The following OS9 variants were observed in gnomAD, a reference collection of about 807,000 sequenced individuals.
The protein encoded by OS9 is protein OS-9.
OS9 carries 58 observed loss-of-function variants against 84.7 expected under a neutral mutation model. That is an observed-to-expected ratio of 0.68 (90% CI 0.55 to 0.85). The LOEUF is 0.85. Among genes scored for constraint, OS9 ranks in the 40% least tolerant of loss-of-function variants. OS9 has a pLI of 0.00. For synonymous variants in OS9, 278 were observed against 320.8 expected, an observed-to-expected ratio of 0.87 and a Z score of 1.43; for missense variants, 760 against 850.9, an observed-to-expected ratio of 0.89 and a Z score of 1.33.
chr12:57,703,472 A>G (rs1429639430), intron 5 of OS9, among the ~76,000 whole-genome samples: 1 of 152,160 alleles, frequency 6.6e-6, no homozygotes, highest in Non-Finnish European at 1.5e-5. Context: ...TTGAATATGG[A>G]TATCCAGTTT....
chr12:57,703,430 G>A (rs530545568), intron 5 of OS9, among the ~76,000 whole-genome samples: 10 of 152,242 alleles, frequency 6.6e-5, no homozygotes, highest in African/African-American at 2.4e-4. Flanking sequence ...TGTATGTGGT[G>A]TAATTTTTGC....
intron 4 of OS9, 101 bp from the exon 5 acceptor site, chr12:57,696,173 TG>T: frequency 4.1e-6 from 5 of 1,233,112 alleles, no homozygotes; most frequent in Non-Finnish European, 4.7e-6. Flanking sequence ...TCCTGGGGCC[TG>T]GGGGCACAGG....
intron 10 of OS9, 59 bp from the exon 11 acceptor site, chr12:57,718,087 C>A: frequency 6.4e-7 from 1 of 1,572,298 alleles, no homozygotes; most frequent in Non-Finnish European, 8.7e-7. Flanking sequence ...TGTCTGCCCC[C>A]GACCATGTGT....
At chr12:57,697,966 C>CA (rs1595031876) in intron 5 of OS9, among the ~76,000 whole-genome samples, 7 of 147,340 alleles carry the variant, frequency 4.8e-5, no homozygotes, top group Admixed American at 4.1e-4. Flanking sequence ...CACACACACA[C>CA]CCTATTGCTC....
chr12:57,703,375 T>C (rs1241022637), intron 5 of OS9, among the ~76,000 whole-genome samples: 1 of 152,192 alleles, frequency 6.6e-6, no homozygotes, highest in East Asian at 1.9e-4. Flanking sequence ...GGTGGGATTA[T>C]AGGGGTGTGC....
chr12:57,718,943 G>A, intron 11 of OS9, 50 bp from the exon 12 acceptor site: 1 of 1,386,274 alleles, frequency 7.2e-7, no homozygotes, highest in Non-Finnish European at 1.0e-6. Context: ...CCCGCTGGCT[G>A]CCTCCACACC....
At chr12:57,716,288 G>GA in intron 7 of OS9, 95 bp downstream of exon 7, 1 of 730,876 alleles carries the variant, frequency 1.4e-6, no homozygotes. Flanking sequence ...GTGGGGGGGG[G>GA]TGGAAAAGTA....
At chr12:57,695,122 G>T in intron 2 of OS9, 196 bp downstream of exon 2, 1 of 595,862 alleles carries the variant, frequency 1.7e-6, no homozygotes, top group Non-Finnish European at 3.0e-6. Flanking sequence ...GAACGTAGGA[G>T]CAGGTTAGGA....
At chr12:57,719,859 G>A (rs1954621156) in intron 12 of OS9, 1 of 455,232 alleles carries the variant, frequency 2.2e-6, no homozygotes, top group South Asian at 3.6e-5. Flanking sequence ...TTTTCCTATA[G>A]GTGACGGGCA....
chr12:57,702,165 A>G (rs1190058874), intron 5 of OS9, among the ~76,000 whole-genome samples: 1 of 152,172 alleles, frequency 6.6e-6, no homozygotes, highest in Non-Finnish European at 1.5e-5. Context: ...TAAGTGTACA[A>G]TTCAGTGGAA....
intron 5 of OS9, among the ~76,000 whole-genome samples, chr12:57,711,396 G>C (rs929130947): frequency 7.3e-6 from 1 of 137,568 alleles, no homozygotes; most frequent in East Asian, 2.2e-4. Context: ...ACCCAGGCTG[G>C]AGTGCAGTGG....
intron 5 of OS9, among the ~76,000 whole-genome samples, chr12:57,711,096 C>T (rs1954315592): frequency 6.7e-6 from 1 of 149,088 alleles, no homozygotes; most frequent in South Asian, 2.2e-4. Context: ...TGTCTCTCAT[C>T]TGCTCATTTC....
chr12:57,710,795 T>G (rs1224875417), intron 5 of OS9, among the ~76,000 whole-genome samples: 2 of 152,062 alleles, frequency 1.3e-5, no homozygotes, highest in Non-Finnish European at 2.9e-5. Context: ...ATCCCAGCAC[T>G]TTGGGAGGCC....
chr12:57,719,374 C>G (rs1214310995), intron 12 of OS9, 192 bp downstream of exon 12: 1 of 596,938 alleles, frequency 1.7e-6, no homozygotes, highest in East Asian at 2.8e-5. Context: ...TCCTATTCAT[C>G]CCTCTGGGAA....
At chr12:57,707,689 G>A (rs138133344) in intron 5 of OS9, among the ~76,000 whole-genome samples, 1,536 of 152,208 alleles carry the variant, frequency 0.01, 33 homozygotes, top group Admixed American at 0.047. Flanking sequence ...GTGAGCCACC[G>A]TGTCCCGCCA....
chr12:57,709,187 C>T (rs1165325265), intron 5 of OS9, among the ~76,000 whole-genome samples: 2 of 152,114 alleles, frequency 1.3e-5, no homozygotes, highest in East Asian at 3.8e-4. Flanking sequence ...TATAAGAACT[C>T]TATATAGTAG....
At chr12:57,703,777 T>C (rs1954090547) in intron 5 of OS9, among the ~76,000 whole-genome samples, 1 of 151,870 alleles carries the variant, frequency 6.6e-6, no homozygotes, top group South Asian at 2.1e-4. Flanking sequence ...TTTTTTTCTA[T>C]AAAAAACACC....
intron 1 of OS9, 60 bp downstream of exon 1, chr12:57,694,383 G>A: frequency 1.3e-6 from 2 of 1,564,198 alleles, no homozygotes; most frequent in Non-Finnish European, 1.8e-6. Context: ...AGAGATAGAG[G>A]AAGAAGGGCA....
chr12:57,695,462 C>T, intron 2 of OS9: 3 of 554,140 alleles, frequency 5.4e-6, no homozygotes, highest in Non-Finnish European at 1.0e-5. Context: ...TTCTATGTTT[C>T]CCTAATATAA....
Sources: gnomAD v4.1 joint callset for allele counts (sites outside exome capture counted in the v4.1 genomes callset) on GRCh38, gnomAD v4.1.1 for gene constraint, MANE v1.5 for transcripts, NCBI Gene and HGNC (gene_info 2026-07-23, HGNC 2026-07-21) for gene names.